Variants in MRPS9 observed in about 807,000 individuals in gnomAD.
MRPS9 encodes small ribosomal subunit protein uS9m.
In MRPS9, 45 loss-of-function variants were observed where a neutral mutation model predicts 59.9. That is an observed-to-expected ratio of 0.75 (90% CI 0.59 to 0.96). MRPS9 has a LOEUF of 0.96. MRPS9 is among the 40% of genes least tolerant of loss of function. The probability of loss-of-function intolerance (pLI) is 0.00; values close to 1 mark genes in which losing one functional copy is unlikely to be tolerated. For missense variants in MRPS9, 473 were observed against 481.1 expected (o/e 0.98, Z 0.16); for synonymous variants, 171 against 166.8 (o/e 1.03, Z -0.19).
intron 1 of MRPS9, among the ~76,000 whole-genome samples, chr2:105,039,103 A>G (rs187847948): frequency 4.1e-4 from 62 of 152,264 alleles, no homozygotes; most frequent in Middle Eastern, 3.4e-3. Flanking sequence ...TGAGGGACCA[A>G]AGAAGCAGGA....
At chr2:105,063,793 G>C (rs918813095) in intron 2 of MRPS9, among the ~76,000 whole-genome samples, 1 of 152,120 alleles carries the variant, frequency 6.6e-6, no homozygotes, top group African/African-American at 2.4e-5. Context: ...CTTATAGTTG[G>C]TTCTCTCAAG....
chr2:105,088,361 T>G (rs180840586), intron 5 of MRPS9, among the ~76,000 whole-genome samples: 4 of 152,254 alleles, frequency 2.6e-5, no homozygotes, highest in Admixed American at 2.6e-4. Context: ...TTTTTGCAAG[T>G]TTTAACAAAA....
chr2:105,072,689 A>G (rs1252827669), intron 4 of MRPS9, among the ~76,000 whole-genome samples: 4 of 152,170 alleles, frequency 2.6e-5, no homozygotes, highest in Admixed American at 2.0e-4. Context: ...TTTAGAATTA[A>G]ATAGAAATTG....
At chr2:105,046,974 C>T (rs1021286538) in intron 1 of MRPS9, among the ~76,000 whole-genome samples, 7 of 151,856 alleles carry the variant, frequency 4.6e-5, no homozygotes, top group African/African-American at 9.7e-5. Flanking sequence ...CCAAAGAAGA[C>T]GTAGACTCAT....
At chr2:105,092,607 AG>A in intron 8 of MRPS9, 38 bp downstream of exon 8, 5 of 1,435,372 alleles carry the variant, frequency 3.5e-6, no homozygotes, top group Middle Eastern at 1.8e-4. Flanking sequence ...AATTCAGTGA[AG>A]GTTGAAAAAC....
chr2:105,075,200 A>C (rs111577140), intron 4 of MRPS9, among the ~76,000 whole-genome samples: 1 of 152,062 alleles, frequency 6.6e-6, no homozygotes, highest in Non-Finnish European at 1.5e-5. Flanking sequence ...CTCAGGCGGT[A>C]ATGTGAGCAA....
chr2:105,075,869 T>G (rs1680201153), intron 4 of MRPS9, among the ~76,000 whole-genome samples: 1 of 151,988 alleles, frequency 6.6e-6, no homozygotes, highest in Admixed American at 6.6e-5. Context: ...AGAAAGCATA[T>G]CAAGACAAAC....
intron 1 of MRPS9, among the ~76,000 whole-genome samples, chr2:105,047,242 G>A (rs1441208518): frequency 6.6e-6 from 1 of 151,962 alleles, no homozygotes; most frequent in East Asian, 1.9e-4. Context: ...AGAAGGATGT[G>A]ATCTCCTAAG....
rs1679733086 is a variant in MRPS9 at position 105,052,631 on chromosome 2, G to A, written c.315+3281G>A. On this transcript the variant is annotated intron_variant, in intron 2 of 10. Transcript: ENST00000258455. ...TGATATTGGTAATACTGGCCTCATC[G>A]AATGAGTTAGGAAGTGTTCTCTCCT... Among the ~76,000 whole-genome samples the A allele has an allele frequency of 3.3e-5, 5 of 152,062 alleles. No individual in the cohort carries two copies. The South Asian group carries it at 6.2e-4, about 19-fold the overall frequency.
At chr2:105,099,649 G>T in intron 10 of MRPS9, 21 bp from the exon 11 acceptor site, 1 of 1,610,468 alleles carries the variant, frequency 6.2e-7, no homozygotes, top group Non-Finnish European at 8.5e-7. Context: ...GTTCCTAAAG[G>T]CTTCTCTTTT....
At chr2:105,075,801 G>A (rs1306696295) in intron 4 of MRPS9, among the ~76,000 whole-genome samples, 1 of 152,052 alleles carries the variant, frequency 6.6e-6, no homozygotes, top group East Asian at 1.9e-4. Flanking sequence ...ACAAAATTGA[G>A]CATTAATTTT....
chr2:105,084,134 T>C (rs767453400), intron 5 of MRPS9, among the ~76,000 whole-genome samples: 18 of 152,036 alleles, frequency 1.2e-4, no homozygotes, highest in Non-Finnish European at 2.5e-4. Context: ...TTTAGCATTG[T>C]GTAGAAACTT....
chr2:105,076,424 G>A (rs1175904031), intron 4 of MRPS9, among the ~76,000 whole-genome samples: 1 of 152,106 alleles, frequency 6.6e-6, no homozygotes, highest in East Asian at 1.9e-4. Context: ...TATGTATTTT[G>A]GCAGACAAGA....
intron 2 of MRPS9, among the ~76,000 whole-genome samples, chr2:105,055,681 A>G (rs1478608144): frequency 6.6e-6 from 1 of 152,218 alleles, no homozygotes; most frequent in Admixed American, 6.5e-5. Flanking sequence ...ACAGACAGTG[A>G]CAACCGTTAC....
intron 4 of MRPS9, among the ~76,000 whole-genome samples, chr2:105,079,747 G>A (rs1374617706): frequency 6.6e-6 from 1 of 151,908 alleles, no homozygotes; most frequent in Admixed American, 6.6e-5. Context: ...GAAATATTTA[G>A]TAATTTTTAA....
chr2:105,081,937 C>G (rs1680355133), intron 5 of MRPS9, among the ~76,000 whole-genome samples: 1 of 152,310 alleles, frequency 6.6e-6, no homozygotes, highest in African/African-American at 2.4e-5. Flanking sequence ...ATATCACGAT[C>G]ATCTGCAGGA....
chr2:105,085,336 G>T (rs1680426287), intron 5 of MRPS9, among the ~76,000 whole-genome samples: 1 of 152,062 alleles, frequency 6.6e-6, no homozygotes, highest in South Asian at 2.1e-4. Flanking sequence ...GATTTTCTGT[G>T]ATTTCTTTAA....
intron 5 of MRPS9, among the ~76,000 whole-genome samples, chr2:105,084,888 A>AT (rs886140784): frequency 2.0e-4 from 31 of 152,228 alleles, no homozygotes; most frequent in Non-Finnish European, 4.1e-4. Context: ...AAGAAAATTA[A>AT]TTTTTTAGAA....
intron 2 of MRPS9, among the ~76,000 whole-genome samples, chr2:105,069,214 CTTTTT>C (rs11334093): frequency 4.2e-5 from 5 of 117,700 alleles, no homozygotes; most frequent in Admixed American, 8.4e-5. Flanking sequence ...ATTGGTCAAT[CTTTTT>C]TTTTTTTTTT....
Sources: allele counts gnomAD v4.1 joint callset (sites outside exome capture counted in the v4.1 genomes callset), GRCh38; gene constraint gnomAD v4.1.1; transcripts MANE v1.5; gene names NCBI Gene and HGNC (gene_info 2026-07-23, HGNC 2026-07-21).